GALNTL6: variants seen among roughly 807,000 people sequenced by gnomAD.
GALNTL6 encodes the protein polypeptide N-acetylgalactosaminyltransferase like 6, also known as polypeptide N-acetylgalactosaminyltransferase-like 6.
A neutral mutation model predicts 73.7 loss-of-function variants in GALNTL6; 46 were observed. The observed-to-expected ratio is 0.62, with a 90% CI of 0.49 to 0.80. The LOEUF is 0.80. Among genes scored for constraint, GALNTL6 ranks in the 30% least tolerant of loss-of-function variants. The pLI is 0.00. For synonymous variants in GALNTL6, 259 were observed against 263.7 expected (o/e 0.98, Z 0.17); for missense variants, 604 against 755.0 (o/e 0.80, Z 2.34).
chr4:172,052,577 T>C (rs1401502124), intron 2 of GALNTL6: 1 of 1,350,194 alleles, frequency 7.4e-7, no homozygotes, highest in Admixed American at 2.2e-5. Context: ...CAAGACAAGA[T>C]AGGGTGGTTC....
intron 5 of GALNTL6, among the ~76,000 whole-genome samples, chr4:172,554,153 C>T (rs1736061164): frequency 6.6e-6 from 1 of 152,168 alleles, no homozygotes; most frequent in East Asian, 1.9e-4. Flanking sequence ...AACTCCCACC[C>T]CAACTGTATA....
rs561946522 is a variant in GALNTL6 at position 172,875,152 on chromosome 4, C to G, written c.924-7638C>G. ...GCAAAACACTGAAGCGCTGCTATCA[C>G]ACAGATGGACCCAAAGACCCTTGTC... On this transcript the variant is annotated intron_variant, in intron 7 of 12. Transcript: ENST00000506823. 1.3e-3 allele frequency among the ~76,000 whole-genome samples: 194 copies of G among 152,344 alleles called. 1 individual carries two copies. The highest frequency in any genetic ancestry group is 6.8e-3 in the Middle Eastern group (2 of 294).
At position 172,931,036 on chromosome 4, in the gene GALNTL6, A is replaced by G. The variant is rs1339525263; in HGVS notation, c.1042-125A>G. 3 of 666,274 alleles carry G rather than the reference A, an allele frequency of 4.5e-6. No individual in the cohort carries two copies. The African/African-American group carries it at 5.5e-5, about 12-fold the overall frequency. The allele number at this position is 666,274 out of a possible 1,614,324, so 41.3% of individuals were successfully genotyped here. A position where few individuals can be genotyped will look rare whatever the true frequency, so the allele number is the denominator to read the frequency against. Reference sequence around the variant, plus strand: ...GGTTTTCTTTTCTGGTTAGCCATTTATAATAAGTAGAAATTATTGATTTAA... The same window carrying G: ...GGTTTTCTTTTCTGGTTAGCCATTTGTAATAAGTAGAAATTATTGATTTAA... On this transcript the variant is annotated intron_variant, in intron 8 of 12. Coordinates refer to ENST00000506823, the MANE Select transcript of GALNTL6 (RefSeq NM_001034845.3).
At chr4:173,020,745 A>T (rs763167060) in intron 11 of GALNTL6, among the ~76,000 whole-genome samples, 1 of 152,192 alleles carries the variant, frequency 6.6e-6, no homozygotes, top group Non-Finnish European at 1.5e-5. Flanking sequence ...TGTTCCAGTA[A>T]CATTTTAGCT....
intron 2 of GALNTL6, among the ~76,000 whole-genome samples, chr4:172,045,063 A>G (rs1742181020): frequency 6.6e-6 from 1 of 152,036 alleles, no homozygotes; most frequent in South Asian, 2.1e-4. Context: ...TTGGCTTTTC[A>G]TTGTTCATGA....
intron 5 of GALNTL6, among the ~76,000 whole-genome samples, chr4:172,719,901 C>G (rs1377563411): frequency 6.6e-6 from 1 of 152,148 alleles, no homozygotes; most frequent in African/African-American, 2.4e-5. Flanking sequence ...ATTATTCATG[C>G]CTCCCCTTTT....
intron 2 of GALNTL6, among the ~76,000 whole-genome samples, chr4:171,895,201 A>G (rs1025979222): frequency 2.0e-5 from 3 of 152,232 alleles, no homozygotes; most frequent in Non-Finnish European, 2.9e-5. Flanking sequence ...TAAAAATATT[A>G]ATACAAAGTC....
chr4:171,904,645 G>A (rs1386649489), intron 2 of GALNTL6, among the ~76,000 whole-genome samples: 1 of 152,072 alleles, frequency 6.6e-6, no homozygotes, highest in Non-Finnish European at 1.5e-5. Flanking sequence ...TACAGAGAAT[G>A]CCACAAAGAT....
At chr4:172,924,821 C>A (rs1051537731) in intron 8 of GALNTL6, among the ~76,000 whole-genome samples, 1 of 152,120 alleles carries the variant, frequency 6.6e-6, no homozygotes, top group Non-Finnish European at 1.5e-5. Context: ...TAGAAAACCA[C>A]TGAAGGATTT....
rs548636591 is a variant in GALNTL6 at position 172,652,745 on chromosome 4, C to T, written c.554-156616C>T. ...AAATGGGTATTGAACTAAATTTTAA[C>T]TCACCTTTCTTTCCTTTAACCCCAG... On this transcript the variant is annotated intron_variant, in intron 5 of 12. Transcript: ENST00000506823. 2.0e-5 allele frequency among the ~76,000 whole-genome samples: 3 copies of T among 152,130 alleles called. No individual in the cohort carries two copies. The South Asian group carries it at 6.2e-4, about 32-fold the overall frequency.
chr4:172,323,724 C>A (rs1179917761), intron 4 of GALNTL6, among the ~76,000 whole-genome samples: 1 of 152,032 alleles, frequency 6.6e-6, no homozygotes, highest in South Asian at 2.1e-4. Context: ...AATTTAACTA[C>A]CTGAACTGTC....
chr4:172,594,852 T>C (rs1178135243), intron 5 of GALNTL6, among the ~76,000 whole-genome samples: 1 of 152,182 alleles, frequency 6.6e-6, no homozygotes, highest in East Asian at 1.9e-4. Context: ...AATATCCTTA[T>C]TGGATGTCTC....
intron 5 of GALNTL6, among the ~76,000 whole-genome samples, chr4:172,786,885 C>T (rs1359484483): frequency 6.6e-6 from 1 of 152,104 alleles, no homozygotes; most frequent in Non-Finnish European, 1.5e-5. Flanking sequence ...GTAGACTGAG[C>T]CATGTCAAGT....
At chr4:172,528,234 T>C (rs938616938) in intron 5 of GALNTL6, among the ~76,000 whole-genome samples, 2 of 149,602 alleles carry the variant, frequency 1.3e-5, no homozygotes, top group Non-Finnish European at 3.0e-5. Flanking sequence ...ATTTCTAGAA[T>C]TCAGCTCCTA....
intron 5 of GALNTL6, among the ~76,000 whole-genome samples, chr4:172,376,883 G>A (rs1349361888): frequency 1.3e-5 from 2 of 152,146 alleles, no homozygotes; most frequent in Admixed American, 6.5e-5. Context: ...TCCTTCAGAT[G>A]TTCAGATGTG....
chr4:172,054,833 C>T (rs1426034954), intron 2 of GALNTL6, among the ~76,000 whole-genome samples: 1 of 152,124 alleles, frequency 6.6e-6, no homozygotes, highest in Admixed American at 6.6e-5. Flanking sequence ...AATGAGAAGT[C>T]GTGCCTTTTC....
chr4:172,040,619 G>T (rs775657644), intron 2 of GALNTL6, among the ~76,000 whole-genome samples: 3 of 151,956 alleles, frequency 2.0e-5, no homozygotes, highest in African/African-American at 4.8e-5. Flanking sequence ...TATGTTATTT[G>T]AATACATCAT....
chr4:171,896,692 G>A lies in GALNTL6; in HGVS notation c.138+81974G>A, dbSNP rs1456323012. ...CATTCATTATGACTCTGCCCACATG[G>A]CCTAATCACCTCCCAAAGGCCCCAC... On this transcript the variant is annotated intron_variant, in intron 2 of 12. Coordinates refer to ENST00000506823, the MANE Select transcript of GALNTL6 (RefSeq NM_001034845.3). 3.3e-5 allele frequency among the ~76,000 whole-genome samples: 5 copies of A among 152,070 alleles called. No individual in the cohort carries two copies. The South Asian group carries it at 8.3e-4, about 25-fold the overall frequency.
intron 5 of GALNTL6, among the ~76,000 whole-genome samples, chr4:172,787,139 T>C (rs575541567): frequency 3.4e-4 from 52 of 152,256 alleles, no homozygotes; most frequent in African/African-American, 1.2e-3. Context: ...TGCTGCCAAA[T>C]TGCCCTACCA....
Sources: allele counts gnomAD v4.1 joint callset (sites outside exome capture counted in the v4.1 genomes callset), GRCh38; gene constraint gnomAD v4.1.1; transcripts MANE v1.5; gene names NCBI Gene and HGNC (gene_info 2026-07-23, HGNC 2026-07-21).